The following ZCWPW2 variants were observed in gnomAD, a reference collection of about 807,000 sequenced individuals.
ZCWPW2 encodes the protein zinc finger CW-type and PWWP domain containing 2.
In ZCWPW2, 45 loss-of-function variants were observed where a neutral mutation model predicts 46.6. That is an observed-to-expected ratio of 0.96 (90% confidence interval 0.76 to 1.24). The LOEUF is 1.24. Ranked by LOEUF, ZCWPW2 falls within the 50% of genes most tolerant of loss-of-function variation. The pLI is 0.00. For missense variants in ZCWPW2, 429 were observed against 403.9 expected (o/e 1.06, Z -0.53); for synonymous variants, 152 against 137.1 (o/e 1.11, Z -0.76).
intron 4 of ZCWPW2, among the ~76,000 whole-genome samples, chr3:28,463,395 T>G (rs995441313): frequency 2.0e-5 from 3 of 152,184 alleles, no homozygotes; most frequent in Non-Finnish European, 4.4e-5. Context: ...GCTAGGTTCT[T>G]GGAAGTTTTT....
intron 1 of ZCWPW2, among the ~76,000 whole-genome samples, chr3:28,370,356 A>G (rs1015975146): frequency 2.0e-5 from 3 of 152,244 alleles, no homozygotes; most frequent in Non-Finnish European, 2.9e-5. Flanking sequence ...CTAAATAGCT[A>G]GCAGTTTTAG....
intron 2 of ZCWPW2, chr3:28,398,235 A>G (rs1695782603): frequency 6.6e-6 from 1 of 152,208 alleles, no homozygotes; most frequent in Non-Finnish European, 1.5e-5. Context: ...GAGTCGAGGT[A>G]AAAAGAGCAA....
intron 4 of ZCWPW2, among the ~76,000 whole-genome samples, chr3:28,444,296 A>G (rs1697896810): frequency 6.6e-6 from 1 of 152,184 alleles, no homozygotes; most frequent in African/African-American, 2.4e-5. Flanking sequence ...TAGTCTAGTT[A>G]TAGGTCTAGA....
intron 4 of ZCWPW2, among the ~76,000 whole-genome samples, chr3:28,438,727 C>T (rs1271531287): frequency 6.6e-6 from 1 of 151,916 alleles, no homozygotes; most frequent in South Asian, 2.1e-4. Context: ...ATCTACTAGA[C>T]AAATACTTTA....
At chr3:28,484,326 A>G (rs1699524096) in intron 5 of ZCWPW2, among the ~76,000 whole-genome samples, 1 of 152,132 alleles carries the variant, frequency 6.6e-6, no homozygotes, top group Admixed American at 6.6e-5. Flanking sequence ...CTCTGCTTAT[A>G]TCTTCTGGAA....
At chr3:28,448,311 T>C (rs777228273) in intron 4 of ZCWPW2, among the ~76,000 whole-genome samples, 1 of 151,822 alleles carries the variant, frequency 6.6e-6, no homozygotes, top group Non-Finnish European at 1.5e-5. Flanking sequence ...TGCCAAAAGA[T>C]AATTATAAAA....
At chr3:28,412,051 TG>T (rs1393175571) in intron 2 of ZCWPW2, among the ~76,000 whole-genome samples, 1 of 151,992 alleles carries the variant, frequency 6.6e-6, no homozygotes, top group Non-Finnish European at 1.5e-5. Flanking sequence ...ATGTGACAAA[TG>T]TAAGTAAGTG....
chr3:28,414,185 G>A (rs1173145117), intron 3 of ZCWPW2, among the ~76,000 whole-genome samples: 2 of 150,308 alleles, frequency 1.3e-5, no homozygotes, highest in African/African-American at 4.9e-5. Flanking sequence ...TTCTTGAACT[G>A]TTTTTCTCTT....
intron 6 of ZCWPW2, among the ~76,000 whole-genome samples, chr3:28,511,834 T>C (rs1700433789): frequency 6.6e-6 from 1 of 152,222 alleles, no homozygotes. Context: ...TCTAGATTAA[T>C]CTTCTTCCTC....
chr3:28,385,832 A>G (rs938649801), intron 1 of ZCWPW2, among the ~76,000 whole-genome samples: 1 of 151,844 alleles, frequency 6.6e-6, no homozygotes, highest in African/African-American at 2.4e-5. Context: ...GATTTGATTT[A>G]CTGTTTTAGT....
chr3:28,408,867 A>G (rs1696273667), intron 2 of ZCWPW2, among the ~76,000 whole-genome samples: 1 of 152,264 alleles, frequency 6.6e-6, no homozygotes, highest in Non-Finnish European at 1.5e-5. Context: ...TAGACTTAGA[A>G]TTATCTGAAT....
In ZCWPW2 at chr3:28,378,132, A is replaced by G. The variant is rs148757422; in HGVS notation, c.-133-12366A>G. 7.3e-3 allele frequency among the ~76,000 whole-genome samples: 1,109 copies of G among 152,190 alleles called. 10 individuals are homozygous for G. Among genetic ancestry groups the G allele is most frequent in the African/African-American group, 0.025 (1,055 of 41,562 alleles). Reference sequence around the variant, plus strand: ...AGTCTCTGAATAATAACAGTTTTGCATAGATACAGGCTCTTAATAAATTTT... The same window carrying G: ...AGTCTCTGAATAATAACAGTTTTGCGTAGATACAGGCTCTTAATAAATTTT... On this transcript the variant is annotated intron_variant, in intron 1 of 9. Transcript: ENST00000383768.
chr3:28,525,519 T>C lies in ZCWPW2; in HGVS notation c.*831T>C, dbSNP rs1483995072. 6.6e-6 allele frequency among the ~76,000 whole-genome samples: 1 copy of C among 152,000 alleles called. No individual in the cohort carries two copies. On this transcript the variant is annotated 3_prime_UTR_variant, in exon 10 of 10. Transcript: ENST00000383768. ...TTCCTGCTCTATCTCTTTCTGGTGG[T>C]ACGGGGTGGGGAAAAGGGCATTCCA...
intron 9 of ZCWPW2, among the ~76,000 whole-genome samples, chr3:28,522,325 A>G (rs751423224): frequency 8.5e-5 from 13 of 152,174 alleles, no homozygotes; most frequent in Non-Finnish European, 1.9e-4. Flanking sequence ...AGGTTTGGCT[A>G]TTATTAAAGA....
Position 28,373,498 on chromosome 3 carries a change from C to T in ZCWPW2, c.-133-17000C>T, listed in dbSNP as rs149580735. On this transcript the variant is annotated intron_variant, in intron 1 of 9. Transcript: ENST00000383768. ...TTGTTTGTTTTTTGAGATGGAGTCT[C>T]GCTCTGTTGCCCAGGCTGAAGGGCA... Among the ~76,000 whole-genome samples the T allele has an allele frequency of 1.5e-3, 231 of 151,706 alleles. 1 individual carries two copies. The highest frequency in any genetic ancestry group is 5.1e-3 in the African/African-American group (210 of 41,378).
intron 5 of ZCWPW2, among the ~76,000 whole-genome samples, chr3:28,489,915 G>A (rs995541732): frequency 1.3e-5 from 2 of 152,022 alleles, no homozygotes; most frequent in African/African-American, 4.8e-5. Flanking sequence ...CCTACAGAAT[G>A]GGAGAAAATA....
chr3:28,448,971 TGAA>T (rs900962292), intron 4 of ZCWPW2, among the ~76,000 whole-genome samples: 1 of 152,094 alleles, frequency 6.6e-6, no homozygotes, highest in African/African-American at 2.4e-5. Flanking sequence ...AAAACAATCT[TGAA>T]GAAGAACTAA....
intron 6 of ZCWPW2, among the ~76,000 whole-genome samples, chr3:28,508,978 T>C (rs145952204): frequency 3.7e-4 from 57 of 152,328 alleles, no homozygotes; most frequent in African/African-American, 1.3e-3. Flanking sequence ...AGAACAGTTT[T>C]TCATCACCCT....
intron 6 of ZCWPW2, among the ~76,000 whole-genome samples, chr3:28,501,997 A>G (rs988175522): frequency 1.3e-5 from 2 of 152,092 alleles, no homozygotes; most frequent in Non-Finnish European, 2.9e-5. Flanking sequence ...TGCTGGGATT[A>G]CAGGCATGAG....
Sources: allele counts gnomAD v4.1 joint callset (sites outside exome capture counted in the v4.1 genomes callset), GRCh38; gene constraint gnomAD v4.1.1; transcripts MANE v1.5; gene names NCBI Gene and HGNC (gene_info 2026-07-23, HGNC 2026-07-21).